The following PREPL variants were observed in gnomAD, a reference collection of about 807,000 sequenced individuals.
The protein encoded by PREPL is prolyl endopeptidase-like.
In PREPL, 77 loss-of-function variants were observed where a neutral mutation model predicts 70.6. The observed-to-expected ratio is 1.09, with a 90% confidence interval of 0.91 to 1.32. PREPL has a LOEUF of 1.32. Among genes scored for constraint, PREPL ranks in the 40% most tolerant of loss-of-function variants. PREPL has a pLI of 0.00. For missense variants in PREPL, 1,002 were observed against 778.2 expected, an observed-to-expected ratio of 1.29 and a Z score of -3.42; for synonymous variants, 315 against 264.8, an observed-to-expected ratio of 1.19 and a Z score of -1.84.
At chr2:44,359,402 G>C (rs942777774) in intron 1 of PREPL, 1 of 989,806 alleles carries the variant, frequency 1.0e-6, no homozygotes, top group Non-Finnish European at 1.5e-6. Flanking sequence ...GAATTACTGA[G>C]AAAATTAGTA....
At chr2:44,324,432 A>G (rs1673290583) in intron 10 of PREPL, among the ~76,000 whole-genome samples, 1 of 152,214 alleles carries the variant, frequency 6.6e-6, no homozygotes, top group South Asian at 2.1e-4. Context: ...TTTTTAAATG[A>G]AAAAAATACA....
Position 44,320,164 on chromosome 2 carries a change from C to A in PREPL, c.*1192G>T. The A allele has an allele frequency of 1.3e-6, 2 of 1,519,574 alleles. No individual in the cohort carries two copies. Among genetic ancestry groups the A allele is most frequent in the South Asian group, 1.1e-5 (1 of 87,454 alleles). The allele number at this position is 1,519,574 out of a possible 1,614,324, so 94.1% of individuals were successfully genotyped here. ...AATACTTACAAACAATTCTTAGAAT[C>A]AAACACTTACGTAAATACTTTTTTA... is the stretch of plus-strand genomic sequence containing the variant. On this transcript the variant is annotated 3_prime_UTR_variant, in exon 14 of 14. Transcript: ENST00000409411.
intron 8 of PREPL, 29 bp downstream of exon 8, chr2:44,332,430 G>C: frequency 6.4e-7 from 1 of 1,560,368 alleles, no homozygotes; most frequent in Non-Finnish European, 8.8e-7. Context: ...CAGTAAATGG[G>C]AGCTGAAAGT....
chr2:44,342,356 G>C (rs1675313809), intron 5 of PREPL, 61 bp downstream of exon 5: 4 of 1,432,558 alleles, frequency 2.8e-6, no homozygotes. Flanking sequence ...ACCAAAGTCA[G>C]TACTTTAAAT....
Position 44,322,729 on chromosome 2 carries a change from A to AC in PREPL, c.1753+1dup, listed in dbSNP as rs771682102. On this transcript the variant is annotated splice_donor_variant, in intron 12 of 13. Coordinates refer to ENST00000409411, the MANE Select transcript of PREPL (RefSeq NM_001171613.2). LOFTEE classifies it high-confidence loss of function. ...GTTCCCTGCTTCTAGGGGGTCTCCT[A>AC]CCTTCACCTGTGTCCTTAGCATGCT... 1.2e-6 allele frequency: 2 copies of AC among 1,612,756 alleles called. No homozygotes were observed. The highest frequency in any genetic ancestry group is 1.7e-6 in the Non-Finnish European group (2 of 1,179,306).
intron 2 of PREPL, among the ~76,000 whole-genome samples, chr2:44,345,478 A>G (rs1040241342): frequency 4.6e-5 from 7 of 151,986 alleles, no homozygotes; most frequent in Middle Eastern, 3.4e-3. Context: ...CGGCCTCCTG[A>G]GTGGCTGGGA....
chr2:44,360,597 AG>A (rs1242508186), intron 1 of PREPL: 1 of 152,228 alleles, frequency 6.6e-6, no homozygotes, highest in Non-Finnish European at 1.5e-5. Context: ...ATTGCTAATA[AG>A]TAGTTAAGAG....
chr2:44,329,899 C>T (rs1673915494), intron 8 of PREPL, among the ~76,000 whole-genome samples: 1 of 152,014 alleles, frequency 6.6e-6, no homozygotes, highest in African/African-American at 2.4e-5. Flanking sequence ...TGGTTTTCAC[C>T]CTGCTTAAAC....
Position 44,318,042 on chromosome 2 carries a change from TAC to T in PREPL, c.*3312_*3313del. ...TTTGACCTAATAATTCCATTCCTAA[TAC>T]TTAGAAATATTTGCACATGTGCACA... On this transcript the variant is annotated 3_prime_UTR_variant, in exon 14 of 14. Coordinates refer to ENST00000409411, the MANE Select transcript of PREPL (RefSeq NM_001171613.2). 2.4e-6 allele frequency: 1 copy of T among 420,356 alleles called. No individual in the cohort carries two copies. The highest frequency in any genetic ancestry group is 2.8e-5 in the Admixed American group (1 of 35,830). The allele number at this position is 420,356 out of a possible 1,614,324, so 26.0% of individuals were successfully genotyped here. A position where few individuals can be genotyped will look rare whatever the true frequency, so the allele number is the denominator to read the frequency against.
rs981492998 is a variant in PREPL at position 44,318,944 on chromosome 2, A to G, written c.*2412T>C. ...AATCAACAAATCTGCAATTACAGAAAAAGACTTCAACATACTTTTAGAAAG... is the reference window on the plus strand; with the variant it reads ...AATCAACAAATCTGCAATTACAGAAGAAGACTTCAACATACTTTTAGAAAG... On this transcript the variant is annotated 3_prime_UTR_variant, in exon 14 of 14. Coordinates refer to ENST00000409411, the MANE Select transcript of PREPL (RefSeq NM_001171613.2). 3 of 152,216 alleles carry G rather than the reference A, an allele frequency of 2.0e-5. No individual in the cohort carries two copies. The highest frequency in any genetic ancestry group is 7.2e-5 in the African/African-American group (3 of 41,460). The allele number at this position is 152,216 out of a possible 1,614,324, so 9.4% of individuals were successfully genotyped here.
At chr2:44,349,403 T>C (rs1676162943) in intron 1 of PREPL, among the ~76,000 whole-genome samples, 1 of 152,146 alleles carries the variant, frequency 6.6e-6, no homozygotes, top group Non-Finnish European at 1.5e-5. Context: ...ACAGGCCACA[T>C]TTTGGACAAC....
At chr2:44,354,292 A>G (rs1298444239) in intron 1 of PREPL, among the ~76,000 whole-genome samples, 2 of 152,252 alleles carry the variant, frequency 1.3e-5, no homozygotes, top group Non-Finnish European at 1.5e-5. Flanking sequence ...CTATTAATTC[A>G]TTCTATAAAC....
intron 1 of PREPL, among the ~76,000 whole-genome samples, chr2:44,351,965 C>T (rs1353246853): frequency 6.6e-6 from 1 of 152,208 alleles, no homozygotes; most frequent in Non-Finnish European, 1.5e-5. Flanking sequence ...CATTGCTGAC[C>T]TAATCTACTG....
chr2:44,351,556 C>A (rs1676444199), intron 1 of PREPL, among the ~76,000 whole-genome samples: 1 of 151,524 alleles, frequency 6.6e-6, no homozygotes. Flanking sequence ...GGCAATCTTT[C>A]CAATTTACAT....
At position 44,338,522 on chromosome 2, in the gene PREPL, C is replaced by T. The variant is rs754793038; in HGVS notation, c.717G>A (p.Ala239=). The change falls in exon 7 of 14, where the codon GCG becomes GCA. Residue 239 remains alanine, a synonymous_variant. Coordinates refer to ENST00000409411, the MANE Select transcript of PREPL (RefSeq NM_001171613.2). ...AATTCATAATTGCAGGGGTATCAGC[C>T]GCTGTTCTCATTAGCTACGTGGAAC... ...EPTEFKLMRT[A]ADTPAIMNWD... is the part of the protein sequence containing the mutation. 2.9e-5 allele frequency: 47 copies of T among 1,608,256 alleles called. No individual in the cohort carries two copies. Among genetic ancestry groups the T allele is most frequent in the East Asian group, 2.7e-4 (12 of 44,862 alleles).
intron 1 of PREPL, among the ~76,000 whole-genome samples, chr2:44,353,720 G>C (rs1676702265): frequency 6.6e-6 from 1 of 152,108 alleles, no homozygotes; most frequent in African/African-American, 2.4e-5. Flanking sequence ...TGAATTTATG[G>C]TCAGTTGATT....
intron 7 of PREPL, among the ~76,000 whole-genome samples, chr2:44,334,337 C>A (rs1674419931): frequency 6.6e-6 from 1 of 152,050 alleles, no homozygotes; most frequent in Non-Finnish European, 1.5e-5. Flanking sequence ...GACATACATG[C>A]CGAAAGAAAA....
At chr2:44,322,692 CTGTT>C (rs778471840) in intron 12 of PREPL, 35 bp downstream of exon 12, 1 of 1,599,590 alleles carries the variant, frequency 6.3e-7, no homozygotes, top group South Asian at 1.1e-5. Context: ...GGGTAGTAGT[CTGTT>C]TGGCCATGTT....
chr2:44,360,791 T>G (rs1392120117), intron 1 of PREPL: 1 of 152,246 alleles, frequency 6.6e-6, no homozygotes, highest in Non-Finnish European at 1.5e-5. Flanking sequence ...ACTCAATAAA[T>G]GGCAGTTGCT....
Sources: gnomAD v4.1 joint callset for allele counts (sites outside exome capture counted in the v4.1 genomes callset) on GRCh38, gnomAD v4.1.1 for gene constraint, MANE v1.5 for transcripts, NCBI Gene and HGNC (gene_info 2026-07-23, HGNC 2026-07-21) for gene names.